WWOX: variants seen among roughly 807,000 people sequenced by gnomAD.
WWOX encodes WW domain containing oxidoreductase.
WWOX carries 69 observed loss-of-function variants against 46.2 expected under a neutral mutation model. The ratio of observed to expected loss-of-function variants is 1.49; its 90% CI spans 1.23 to 1.82. WWOX has a LOEUF of 1.82. WWOX is among the 40% of genes most tolerant of loss of function. The pLI, the probability that WWOX is intolerant of heterozygous loss-of-function variation, is 0.00. For synonymous variants in WWOX, 359 were observed against 202.6 expected (o/e 1.77, Z -6.56); for missense variants, 919 against 542.6 (o/e 1.69, Z -6.89).
At chr16:78,432,928 G>A (rs900475450) in intron 8 of WWOX, among the ~76,000 whole-genome samples, 176 bp downstream of exon 8, 1 of 152,140 alleles carries the variant, frequency 6.6e-6, no homozygotes, top group Non-Finnish European at 1.5e-5. Flanking sequence ...AAGTCTGTTT[G>A]GGTAAATGCG....
chr16:78,412,658 A>G (rs1054948809), intron 6 of WWOX, among the ~76,000 whole-genome samples: 1 of 152,170 alleles, frequency 6.6e-6, no homozygotes, highest in Non-Finnish European at 1.5e-5. Context: ...GAGGAGCAGG[A>G]TCCTCTGCAA....
chr16:78,321,546 G>A (rs1398445330), intron 5 of WWOX, among the ~76,000 whole-genome samples: 1 of 151,870 alleles, frequency 6.6e-6, no homozygotes, highest in Non-Finnish European at 1.5e-5. Context: ...TGATGTTTGT[G>A]GGTGTGTAGG....
chr16:78,806,258 C>T (rs545288528), intron 8 of WWOX, among the ~76,000 whole-genome samples: 1 of 152,114 alleles, frequency 6.6e-6, no homozygotes, highest in East Asian at 1.9e-4. Context: ...CATTTTCTGG[C>T]CATTTGGATA....
intron 5 of WWOX, among the ~76,000 whole-genome samples, chr16:78,316,818 A>T (rs186518737): frequency 6.6e-6 from 1 of 152,282 alleles, no homozygotes; most frequent in African/African-American, 2.4e-5. Context: ...GTATTTTTCA[A>T]TGCTGCTTTT....
chr16:79,089,391 G>A (rs1307919206), intron 8 of WWOX, among the ~76,000 whole-genome samples: 2 of 151,000 alleles, frequency 1.3e-5, no homozygotes, highest in African/African-American at 2.4e-5. Flanking sequence ...GAATGCAGTG[G>A]CATGATCTCG....
intron 8 of WWOX, among the ~76,000 whole-genome samples, chr16:79,179,611 T>G (rs946931067): frequency 2.6e-5 from 4 of 152,232 alleles, no homozygotes; most frequent in Non-Finnish European, 4.4e-5. Flanking sequence ...GCTGGTTCCT[T>G]GAGTGACCAT....
intron 8 of WWOX, among the ~76,000 whole-genome samples, chr16:79,053,201 G>A (rs978442333): frequency 6.6e-6 from 1 of 152,130 alleles, no homozygotes; most frequent in Non-Finnish European, 1.5e-5. Flanking sequence ...GAAACTAGAT[G>A]GGGAGGCCAG....
At chr16:78,847,770 T>C (rs1384527232) in intron 8 of WWOX, among the ~76,000 whole-genome samples, 2 of 151,406 alleles carry the variant, frequency 1.3e-5, no homozygotes, top group Non-Finnish European at 2.9e-5. Context: ...TGGTAGCTTG[T>C]TTAAAAAAAA....
intron 6 of WWOX, among the ~76,000 whole-genome samples, chr16:78,395,544 A>G (rs2082265639): frequency 6.6e-6 from 1 of 152,106 alleles, no homozygotes; most frequent in Non-Finnish European, 1.5e-5. Context: ...AGAAGGGCAG[A>G]AAGAAAGAAG....
intron 8 of WWOX, among the ~76,000 whole-genome samples, chr16:78,643,069 C>T (rs531851143): frequency 6.6e-6 from 1 of 152,270 alleles, no homozygotes; most frequent in East Asian, 1.9e-4. Flanking sequence ...TTAACCCCAA[C>T]TAGATAAGCC....
intron 8 of WWOX, among the ~76,000 whole-genome samples, chr16:79,075,815 C>G (rs573573432): frequency 6.6e-6 from 1 of 152,136 alleles, no homozygotes; most frequent in Admixed American, 6.5e-5. Context: ...GTACATATAC[C>G]TCGGCAGCCT....
At chr16:79,044,521 A>G (rs1416824692) in intron 8 of WWOX, among the ~76,000 whole-genome samples, 4 of 152,134 alleles carry the variant, frequency 2.6e-5, no homozygotes, top group African/African-American at 9.7e-5. Context: ...TGGCCACATG[A>G]CGTGCCTGCT....
chr16:78,155,486 A>G (rs751410837), intron 4 of WWOX, among the ~76,000 whole-genome samples: 2 of 152,240 alleles, frequency 1.3e-5, no homozygotes, highest in Non-Finnish European at 2.9e-5. Context: ...AACCCAAGAC[A>G]GTGAGCTATT....
intron 8 of WWOX, among the ~76,000 whole-genome samples, chr16:78,972,421 A>T (rs919378550): frequency 6.6e-6 from 1 of 151,790 alleles, no homozygotes; most frequent in Non-Finnish European, 1.5e-5. Context: ...TATTTTACAA[A>T]TTAAAAGCAG....
Position 78,109,971 on chromosome 16 carries a change from T to TACTTTTAACATCGCTGGA in WWOX, c.230+152_230+169dup, listed in dbSNP as rs1360511773. The TACTTTTAACATCGCTGGA allele has an allele frequency of 1.3e-5, 12 of 912,920 alleles. No individual in the cohort carries two copies. In the East Asian group the frequency reaches 1.3e-4, roughly 10 times the overall value. The allele number at this position is 912,920 out of a possible 1,614,324, so 56.6% of individuals were successfully genotyped here. Reference sequence around the variant, plus strand: ...TATCTGTAATCTTAGCAGAAGTGACTACTTTTAACATCGCTGGAACTTTTA... The same window carrying TACTTTTAACATCGCTGGA: ...TATCTGTAATCTTAGCAGAAGTGACTACTTTTAACATCGCTGGAACTTTTAACATCGCTGGAACTTTTA... On this transcript the variant is annotated intron_variant, in intron 3 of 8. Transcript: ENST00000566780.
chr16:78,950,333 G>T (rs565047005), intron 8 of WWOX, among the ~76,000 whole-genome samples: 9 of 152,152 alleles, frequency 5.9e-5, no homozygotes, highest in African/African-American at 1.9e-4. Flanking sequence ...AGAAAGGAAA[G>T]GAGAAGTTGA....
intron 4 of WWOX, among the ~76,000 whole-genome samples, chr16:78,119,256 GAACA>G (rs1281410058): frequency 6.6e-6 from 1 of 152,184 alleles, no homozygotes; most frequent in Non-Finnish European, 1.5e-5. Flanking sequence ...TCAGCACGGT[GAACA>G]TTACATGCAA....
chr16:78,144,329 C>T (rs928918138), intron 4 of WWOX, among the ~76,000 whole-genome samples: 7 of 148,666 alleles, frequency 4.7e-5, no homozygotes, highest in Non-Finnish European at 1.0e-4. Context: ...ATACAGCTCA[C>T]ATGGAGAGCC....
rs554325348 is a variant in WWOX, at chr16:78,593,416, C to T, written c.1056+160664C>T. Among the ~76,000 whole-genome samples, 64 of 152,230 alleles carry T rather than the reference C, an allele frequency of 4.2e-4. No individual in the cohort carries two copies. In the Middle Eastern group the frequency reaches 0.014, roughly 33 times the overall value. The stretch of plus-strand genomic sequence containing the variant: ...TTTCCCCCATCACCCTTGTACTATC[C>T]CATTTTCCTTTGCCATGCACCTGTC... On this transcript the variant is annotated intron_variant, in intron 8 of 8. Coordinates refer to ENST00000566780, the MANE Select transcript of WWOX (RefSeq NM_016373.4).
Sources: gnomAD v4.1 joint callset for allele counts (sites outside exome capture counted in the v4.1 genomes callset) on GRCh38, gnomAD v4.1.1 for gene constraint, MANE v1.5 for transcripts, NCBI Gene and HGNC (gene_info 2026-07-23, HGNC 2026-07-21) for gene names.